Variants in THSD7B observed in about 807,000 individuals in gnomAD.
The protein encoded by THSD7B is thrombospondin type 1 domain containing 7B, also known as thrombospondin type-1 domain-containing protein 7B.
A neutral mutation model predicts 213.6 loss-of-function variants in THSD7B; 138 were observed. The observed-to-expected ratio is 0.65, with a 90% confidence interval of 0.56 to 0.74. The LOEUF (loss-of-function observed/expected upper bound fraction) is 0.74, where lower values mean the gene tolerates loss of function less well. THSD7B is among the 30% of genes least tolerant of loss of function. The pLI is 0.00. For synonymous variants in THSD7B, 742 were observed against 687.0 expected (o/e 1.08, Z -1.25); for missense variants, 1,931 against 1,991.5 (o/e 0.97, Z 0.58).
At chr2:137,302,828 C>T (rs557521045) in intron 12 of THSD7B, among the ~76,000 whole-genome samples, 50 of 152,170 alleles carry the variant, frequency 3.3e-4, no homozygotes, top group African/African-American at 1.1e-3. Context: ...GTATTAAAAA[C>T]GAAGTCATGA....
At chr2:137,538,456 T>C in intron 15 of THSD7B, 1 of 507,884 alleles carries the variant, frequency 2.0e-6, no homozygotes, top group Non-Finnish European at 3.9e-6. Flanking sequence ...CCCTTTTGCT[T>C]ATCATGCACT....
intron 26 of THSD7B, 42 bp from the exon 27 acceptor site, chr2:137,667,732 T>C (rs1289851617): frequency 6.6e-7 from 1 of 1,516,372 alleles, no homozygotes; most frequent in Admixed American, 1.9e-5. Context: ...TGCTGCAGAC[T>C]TCTGTATGCT....
Position 137,294,583 on chromosome 2 carries a change from C to CAAAAAAAAAA in THSD7B, c.2500+18569_2500+18578dup, listed in dbSNP as rs1210363889. On this transcript the variant is annotated intron_variant, in intron 12 of 27. Coordinates refer to ENST00000409968, the MANE Select transcript of THSD7B (RefSeq NM_001316349.2). ...GGGTGAAAAGAGTGAAACTCCATCT[C>CAAAAAAAAAA]AAAAAAAAAAAAAAAAAAAAAGAAA... is the stretch of plus-strand genomic sequence containing the variant. Among the ~76,000 whole-genome samples, 11 of 73,220 alleles carry CAAAAAAAAAA rather than the reference C, an allele frequency of 1.5e-4. 1 individual carries two copies. Among genetic ancestry groups the CAAAAAAAAAA allele is most frequent in the African/African-American group, 5.4e-4 (11 of 20,228 alleles). 48.0% of individuals were successfully genotyped at this position (73,220 alleles called of 152,430 possible). A position where few individuals can be genotyped will look rare whatever the true frequency, so the allele number is the denominator to read the frequency against.
intron 2 of THSD7B, among the ~76,000 whole-genome samples, chr2:137,008,900 T>C (rs1241523033): frequency 6.6e-6 from 1 of 152,222 alleles, no homozygotes; most frequent in Non-Finnish European, 1.5e-5. Flanking sequence ...GTGTAATTTC[T>C]ATTATTTGAA....
chr2:136,824,426 G>A (rs1682610580), intron 1 of THSD7B, among the ~76,000 whole-genome samples: 3 of 151,792 alleles, frequency 2.0e-5, no homozygotes, highest in African/African-American at 7.3e-5. Flanking sequence ...TGTTAGCTAG[G>A]AAGCTCAGTT....
At chr2:137,460,315 G>A (rs1350972901) in intron 15 of THSD7B, among the ~76,000 whole-genome samples, 1 of 152,116 alleles carries the variant, frequency 6.6e-6, no homozygotes. Context: ...AAGCTGAAGT[G>A]AATATAAACT....
At chr2:137,336,178 G>A (rs1340997913) in intron 12 of THSD7B, among the ~76,000 whole-genome samples, 1 of 152,068 alleles carries the variant, frequency 6.6e-6, no homozygotes. Flanking sequence ...TATTCAAGGT[G>A]ACTTTACATA....
intron 1 of THSD7B, among the ~76,000 whole-genome samples, chr2:136,873,174 G>A (rs1480861932): frequency 6.6e-6 from 1 of 152,080 alleles, no homozygotes; most frequent in Non-Finnish European, 1.5e-5. Flanking sequence ...AGTTTGTTAA[G>A]AGGTAGGAAA....
intron 17 of THSD7B, among the ~76,000 whole-genome samples, chr2:137,588,892 G>A (rs1186520108): frequency 2.6e-5 from 4 of 151,926 alleles, no homozygotes; most frequent in African/African-American, 9.7e-5. Context: ...GGATTTTCCT[G>A]CCTCAGCCTC....
At chr2:137,338,508 G>C (rs1255119160) in intron 12 of THSD7B, among the ~76,000 whole-genome samples, 1 of 151,942 alleles carries the variant, frequency 6.6e-6, no homozygotes, top group African/African-American at 2.4e-5. Context: ...ACCTAGTGTT[G>C]ATTTACATCC....
intron 12 of THSD7B, among the ~76,000 whole-genome samples, chr2:137,377,229 T>C (rs75393069): frequency 0.03 from 4,533 of 152,282 alleles, 231 homozygotes; most frequent in African/African-American, 0.1. Context: ...ATCCTCCAGA[T>C]AGTGTTCTGC....
At chr2:137,298,532 A>G (rs542427324) in intron 12 of THSD7B, among the ~76,000 whole-genome samples, 19 of 150,946 alleles carry the variant, frequency 1.3e-4, no homozygotes, top group African/African-American at 3.9e-4. Flanking sequence ...TCTCCAGGCC[A>G]TGTCAGAGAC....
chr2:136,956,008 G>A (rs542095658), intron 2 of THSD7B, among the ~76,000 whole-genome samples: 4 of 143,464 alleles, frequency 2.8e-5, no homozygotes, highest in South Asian at 4.4e-4. Flanking sequence ...CAGCCTGGGC[G>A]AGAGCGAGAC....
chr2:137,492,083 A>G (rs1272229224), intron 15 of THSD7B, among the ~76,000 whole-genome samples: 1 of 152,106 alleles, frequency 6.6e-6, no homozygotes, highest in Non-Finnish European at 1.5e-5. Flanking sequence ...TTTTCAACTA[A>G]ATTCATTCTT....
chr2:137,448,569 G>A (rs1456577707), intron 14 of THSD7B, among the ~76,000 whole-genome samples: 1 of 151,768 alleles, frequency 6.6e-6, no homozygotes, highest in East Asian at 2.0e-4. Flanking sequence ...CAGCACTTTG[G>A]GAGGCCGAGG....
intron 12 of THSD7B, among the ~76,000 whole-genome samples, chr2:137,361,313 G>A (rs1218329220): frequency 1.3e-5 from 2 of 152,152 alleles, no homozygotes; most frequent in East Asian, 3.9e-4. Flanking sequence ...AAAAACCAGA[G>A]CGCCCCTTCT....
intron 12 of THSD7B, among the ~76,000 whole-genome samples, chr2:137,401,362 G>C (rs1052990761): frequency 4.6e-5 from 7 of 152,060 alleles, no homozygotes; most frequent in African/African-American, 1.7e-4. Context: ...CCTGCAGCCT[G>C]CCTACTTGCT....
intron 17 of THSD7B, among the ~76,000 whole-genome samples, chr2:137,588,759 C>CATTTATTT (rs1681799109): frequency 1.4e-5 from 2 of 141,114 alleles, no homozygotes; most frequent in African/African-American, 2.6e-5. Flanking sequence ...CTCATGTTGT[C>CATTTATTT]CTTTATTTAT....
chr2:137,546,414 ATTATATATATTAT>A (rs1451822328), intron 15 of THSD7B, among the ~76,000 whole-genome samples: 1 of 32,996 alleles, frequency 3.0e-5, no homozygotes, highest in African/African-American at 1.9e-4. Context: ...TTATATATAT[ATTATATATATTAT>A]ATATATATTA....
Sources: gnomAD v4.1 joint callset for allele counts (sites outside exome capture counted in the v4.1 genomes callset) on GRCh38, gnomAD v4.1.1 for gene constraint, MANE v1.5 for transcripts, NCBI Gene and HGNC (gene_info 2026-07-23, HGNC 2026-07-21) for gene names.